Variants in BABAM2 observed in about 807,000 individuals in gnomAD.
BABAM2 encodes the protein BRISC and BRCA1 A complex member 2, also known as BRISC and BRCA1-A complex member 2.
Under a neutral mutation model 54.7 loss-of-function variants are expected in BABAM2, and 31 were observed. That is an observed-to-expected ratio of 0.57 (90% CI 0.43 to 0.77). The LOEUF is 0.77. BABAM2 is among the 30% of genes least tolerant of loss of function. The pLI is 0.00. For synonymous variants in BABAM2, 167 were observed against 162.9 expected, an observed-to-expected ratio of 1.03 and a Z score of -0.19; for missense variants, 364 against 455.8, an observed-to-expected ratio of 0.80 and a Z score of 1.83.
At chr2:27,918,791 C>T (rs1005326483) in intron 2 of BABAM2, among the ~76,000 whole-genome samples, 4 of 152,004 alleles carry the variant, frequency 2.6e-5, no homozygotes, top group South Asian at 2.1e-4. Context: ...CTGGCTCAGG[C>T]GATCCTCCCA....
At chr2:28,161,577 C>T (rs539855852) in intron 7 of BABAM2, among the ~76,000 whole-genome samples, 1 of 152,298 alleles carries the variant, frequency 6.6e-6, no homozygotes, top group African/African-American at 2.4e-5. Flanking sequence ...AAACTCTTCC[C>T]CTTTTCAAGC....
intron 10 of BABAM2, among the ~76,000 whole-genome samples, chr2:28,255,748 C>G (rs889803794): frequency 6.6e-6 from 1 of 152,172 alleles, no homozygotes; most frequent in Non-Finnish European, 1.5e-5. Context: ...TCACTGTAGC[C>G]TCAGCCTCCC....
At chr2:28,065,668 A>G (rs557651784) in intron 6 of BABAM2, among the ~76,000 whole-genome samples, 11 of 152,212 alleles carry the variant, frequency 7.2e-5, no homozygotes, top group Non-Finnish European at 1.6e-4. Flanking sequence ...ATAAAAACAT[A>G]ATTTTAAAAA....
chr2:28,072,535 A>G (rs1664251083), intron 6 of BABAM2, among the ~76,000 whole-genome samples: 1 of 151,882 alleles, frequency 6.6e-6, no homozygotes, highest in South Asian at 2.1e-4. Context: ...ACAGGTGCCC[A>G]CCACCACGCC....
chr2:28,062,543 C>T (rs1168838757), intron 6 of BABAM2, among the ~76,000 whole-genome samples: 1 of 126,310 alleles, frequency 7.9e-6, no homozygotes. Flanking sequence ...AGCCTGGTAA[C>T]AGAGCAAGAC....
In BABAM2 at chr2:28,304,942, C is replaced by T. The variant is rs1572382049; in HGVS notation, c.1088+6451C>T. The stretch of plus-strand genomic sequence containing the variant: ...ATCCACCTGCCTTGGCCTCCCAAAG[C>T]ACTAGGATTACAGGCATGAGCCAGC... On this transcript the variant is annotated intron_variant, in intron 11 of 11. Coordinates refer to ENST00000379624, the MANE Select transcript of BABAM2 (RefSeq NM_199191.3). The surrounding 1 kb of genome is among the most constrained non-coding windows in gnomAD (Gnocchi z 4.0). 1.3e-5 allele frequency among the ~76,000 whole-genome samples: 2 copies of T among 152,192 alleles called. No homozygotes were observed. The highest frequency in any genetic ancestry group is 4.1e-4 in the South Asian group (2 of 4,826).
At chr2:28,042,759 G>A (rs906756405) in intron 5 of BABAM2, among the ~76,000 whole-genome samples, 1 of 151,962 alleles carries the variant, frequency 6.6e-6, no homozygotes, top group African/African-American at 2.4e-5. Context: ...TGAAGTGAAT[G>A]GAAACATTTT....
chr2:28,086,615 C>T (rs1357500559), intron 6 of BABAM2, among the ~76,000 whole-genome samples: 1 of 152,276 alleles, frequency 6.6e-6, no homozygotes, highest in Middle Eastern at 3.4e-3. Context: ...AATATGTTTT[C>T]AAGGGCCTTA....
chr2:28,104,263 G>A (rs1017492215), intron 6 of BABAM2, among the ~76,000 whole-genome samples: 20 of 152,098 alleles, frequency 1.3e-4, no homozygotes, highest in African/African-American at 4.1e-4. Flanking sequence ...GCAACCTACA[G>A]AATGGGAGAA....
intron 9 of BABAM2, among the ~76,000 whole-genome samples, chr2:28,242,265 C>T (rs1573914718): frequency 6.6e-6 from 1 of 152,114 alleles, no homozygotes. Flanking sequence ...GTGGCTCGCA[C>T]TTGAGGTTAG....
At chr2:27,898,506 G>A (rs576330152) in intron 2 of BABAM2, among the ~76,000 whole-genome samples, 1 of 152,178 alleles carries the variant, frequency 6.6e-6, no homozygotes, top group East Asian at 1.9e-4. Context: ...GATGACTGAG[G>A]TTTTTGCAGG....
intron 3 of BABAM2, among the ~76,000 whole-genome samples, chr2:27,953,760 A>G (rs1471307459): frequency 6.6e-6 from 1 of 152,224 alleles, no homozygotes; most frequent in Non-Finnish European, 1.5e-5. Flanking sequence ...AATTAAAACC[A>G]TTAAAAAATA....
At chr2:28,019,129 C>A (rs1287791988) in intron 4 of BABAM2, among the ~76,000 whole-genome samples, 1 of 152,120 alleles carries the variant, frequency 6.6e-6, no homozygotes, top group African/African-American at 2.4e-5. Flanking sequence ...TGTTAGCTTT[C>A]TGAGAATGAT....
At chr2:28,105,202 A>T (rs750788322) in intron 6 of BABAM2, among the ~76,000 whole-genome samples, 2 of 152,158 alleles carry the variant, frequency 1.3e-5, no homozygotes, top group Non-Finnish European at 2.9e-5. Flanking sequence ...ACATAATAAT[A>T]ATAAAGTAAA....
intron 7 of BABAM2, among the ~76,000 whole-genome samples, chr2:28,176,357 G>A (rs1003395512): frequency 3.3e-5 from 5 of 151,670 alleles, no homozygotes; most frequent in African/African-American, 7.3e-5. Flanking sequence ...ATCACCTGAG[G>A]CCAGGAGTTT....
chr2:27,963,181 A>G (rs1285809251), intron 3 of BABAM2, among the ~76,000 whole-genome samples: 1 of 152,150 alleles, frequency 6.6e-6, no homozygotes, highest in Non-Finnish European at 1.5e-5. Flanking sequence ...TAAAGAAAAG[A>G]AGGAGAGGCC....
intron 7 of BABAM2, among the ~76,000 whole-genome samples, chr2:28,186,821 T>C (rs1476950929): frequency 1.3e-5 from 2 of 151,950 alleles, no homozygotes; most frequent in African/African-American, 4.8e-5. Flanking sequence ...TTTTTTTTTT[T>C]TTGAGACAGA....
intron 7 of BABAM2, among the ~76,000 whole-genome samples, chr2:28,195,382 C>G (rs1032517535): frequency 1.3e-5 from 2 of 152,054 alleles, no homozygotes; most frequent in African/African-American, 4.8e-5. Flanking sequence ...AACATAAAAT[C>G]TTTACATAAT....
intron 4 of BABAM2, among the ~76,000 whole-genome samples, chr2:28,002,662 A>G (rs375987987): frequency 1.3e-3 from 191 of 152,260 alleles, no homozygotes; most frequent in Admixed American, 5.0e-3. Context: ...AGAAAAATCT[A>G]AAAAAAGAAA....
Sources: gnomAD v4.1 joint callset for allele counts (sites outside exome capture counted in the v4.1 genomes callset) on GRCh38, gnomAD v4.1.1 for gene constraint, Gnocchi (gnomAD v3.1) non-coding constraint, MANE v1.5 for transcripts, NCBI Gene and HGNC (gene_info 2026-07-23, HGNC 2026-07-21) for gene names.